The following RDX variants were observed in gnomAD, a reference collection of about 807,000 sequenced individuals.
RDX encodes deafness, autosomal recessive 24.
RDX carries 32 observed loss-of-function variants against 83.7 expected under a neutral mutation model. The ratio of observed to expected loss-of-function variants is 0.38; its 90% CI spans 0.29 to 0.51. The LOEUF (loss-of-function observed/expected upper bound fraction) is 0.51, where lower values mean the gene tolerates loss of function less well. Ranked by LOEUF, RDX falls within the 20% of genes least tolerant of loss-of-function variation. RDX has a pLI of 0.87. For synonymous variants in RDX, 229 were observed against 222.7 expected, an observed-to-expected ratio of 1.03 and a Z score of -0.25; for missense variants, 600 against 689.9, an observed-to-expected ratio of 0.87 and a Z score of 1.46.
At chr11:110,237,839 G>A (rs549005291) in intron 10 of RDX, 187 bp from the exon 11 acceptor site, 123 of 695,100 alleles carry the variant, frequency 1.8e-4, no homozygotes, top group Admixed American at 9.0e-4. Context: ...CTGAAGTGCA[G>A]AAGCTCACTG....
At chr11:110,222,869 C>A (rs1864299608) in intron 14 of RDX, among the ~76,000 whole-genome samples, 1 of 152,172 alleles carries the variant, frequency 6.6e-6, no homozygotes, top group African/African-American at 2.4e-5. Flanking sequence ...AAAACGACTA[C>A]TTTTAAAAGA....
intron 14 of RDX, among the ~76,000 whole-genome samples, chr11:110,204,774 C>CA (rs1283206645): frequency 6.6e-6 from 1 of 152,088 alleles, no homozygotes; most frequent in Non-Finnish European, 1.5e-5. Context: ...CTTGGCCTCC[C>CA]AAAGTGCTGG....
intron 7 of RDX, among the ~76,000 whole-genome samples, chr11:110,257,242 T>A (rs1298050107): frequency 6.6e-6 from 1 of 151,786 alleles, no homozygotes; most frequent in Non-Finnish European, 1.5e-5. Context: ...TTTCAAGATA[T>A]AATTACAGTG....
intron 15 of RDX, chr11:110,199,542 G>A: frequency 1.4e-6 from 1 of 702,054 alleles, no homozygotes; most frequent in Non-Finnish European, 2.6e-6. Context: ...CTAGTGGGCA[G>A]GTGAGCTGGC....
chr11:110,231,764 T>C lies in RDX; in HGVS notation c.*105A>G. The stretch of plus-strand genomic sequence containing the variant: ...TTTAGCTAGCACAGTCAAACTGGTG[T>C]AAGTGCTTTGGCAAGGTGGGATGCA... On this transcript the variant is annotated 3_prime_UTR_variant, in exon 14 of 14. Coordinates refer to ENST00000645495, the MANE Select transcript of RDX (RefSeq NM_002906.4). 8.0e-7 allele frequency: 1 copy of C among 1,252,894 alleles called. No individual in the cohort carries two copies. Among genetic ancestry groups the C allele is most frequent in the Admixed American group, 1.7e-5 (1 of 59,546 alleles). The allele number at this position is 1,252,894 out of a possible 1,614,324, so 77.6% of individuals were successfully genotyped here.
chr11:110,249,581 C>T (rs530576334), intron 9 of RDX, among the ~76,000 whole-genome samples: 1 of 152,250 alleles, frequency 6.6e-6, no homozygotes, highest in South Asian at 2.1e-4. Flanking sequence ...TTAATGAATC[C>T]TTCCACCATT....
intron 15 of RDX, among the ~76,000 whole-genome samples, chr11:110,188,422 A>G (rs907628620): frequency 1.3e-5 from 2 of 152,112 alleles, no homozygotes; most frequent in African/African-American, 2.4e-5. Context: ...AAAAGCGAAC[A>G]TCGTATGTTC....
At chr11:110,209,236 C>A (rs538033373) in intron 14 of RDX, among the ~76,000 whole-genome samples, 1 of 152,172 alleles carries the variant, frequency 6.6e-6, no homozygotes, top group African/African-American at 2.4e-5. Flanking sequence ...CGGACGGCAC[C>A]TGGAAAATCG....
chr11:110,255,785 CAT>C (rs1263628626), intron 7 of RDX, among the ~76,000 whole-genome samples: 1 of 152,106 alleles, frequency 6.6e-6, no homozygotes, highest in Non-Finnish European at 1.5e-5. Context: ...TATAACTTCT[CAT>C]GTGAATTACG....
intron 10 of RDX, among the ~76,000 whole-genome samples, chr11:110,246,133 C>T (rs1211753698): frequency 6.6e-6 from 1 of 152,080 alleles, no homozygotes; most frequent in African/African-American, 2.4e-5. Context: ...TGAATTTTAG[C>T]AATCCTCCTG....
intron 15 of RDX, chr11:110,196,305 C>T (rs1314329868): frequency 6.6e-6 from 1 of 152,138 alleles, no homozygotes; most frequent in Non-Finnish European, 1.5e-5. Context: ...AACATTTAGT[C>T]ATGGTTAGTT....
chr11:110,185,896 C>T (rs750862648), intron 15 of RDX, among the ~76,000 whole-genome samples: 2 of 152,194 alleles, frequency 1.3e-5, no homozygotes, highest in African/African-American at 2.4e-5. Context: ...TACAAACCTA[C>T]CAGTCAAGCA....
chr11:110,196,600 G>A (rs889310943), intron 15 of RDX, among the ~76,000 whole-genome samples: 1 of 152,210 alleles, frequency 6.6e-6, no homozygotes, highest in African/African-American at 2.4e-5. Context: ...GCCACAGGGC[G>A]TGTGTGCTTA....
rs577190144 is a variant in RDX, at chr11:110,263,028, A to T, written c.467+932T>A. Among the ~76,000 whole-genome samples, 4 of 152,304 alleles carry T rather than the reference A, an allele frequency of 2.6e-5. No individual in the cohort carries two copies. The East Asian group carries it at 7.7e-4, about 29-fold the overall frequency. On this transcript the variant is annotated intron_variant, in intron 5 of 13. Coordinates refer to ENST00000645495, the MANE Select transcript of RDX (RefSeq NM_002906.4). Reference sequence around the variant, plus strand: ...AGTGGCTCACGCCTGTAATCCCAGCACTTTGGGAGACCGAGGTGGGAGGAT... The same window carrying T: ...AGTGGCTCACGCCTGTAATCCCAGCTCTTTGGGAGACCGAGGTGGGAGGAT...
At chr11:110,222,010 GTATAT>G (rs61112840) in intron 14 of RDX, among the ~76,000 whole-genome samples, 59,512 of 151,544 alleles carry the variant, frequency 0.39, 11,794 homozygotes, top group East Asian at 0.6. Context: ...GAATGCAAAT[GTATAT>G]TATGTCTATA....
intron 14 of RDX, among the ~76,000 whole-genome samples, chr11:110,223,612 T>C (rs969208640): frequency 2.6e-5 from 4 of 152,136 alleles, no homozygotes; most frequent in African/African-American, 9.7e-5. Context: ...CTACCTGTAT[T>C]TGAAAACCTT....
intron 1 of RDX, among the ~76,000 whole-genome samples, chr11:110,290,843 G>A (rs533273628): frequency 6.6e-6 from 1 of 150,718 alleles, no homozygotes; most frequent in Non-Finnish European, 1.5e-5. Context: ...TATAAAAACA[G>A]GCAGTAGGCT....
chr11:110,258,292 T>C, intron 5 of RDX, 103 bp from the exon 6 acceptor site: 2 of 742,134 alleles, frequency 2.7e-6, no homozygotes, highest in Non-Finnish European at 4.5e-6. Context: ...GTGGTAGTTG[T>C]CAGACAATTA....
At chr11:110,212,296 ATC>A (rs1863866573) in intron 14 of RDX, among the ~76,000 whole-genome samples, 1 of 151,428 alleles carries the variant, frequency 6.6e-6, no homozygotes, top group South Asian at 2.1e-4. Context: ...AAGAAGTTGA[ATC>A]TCTGAATAGA....
Sources: gnomAD v4.1 joint callset for allele counts (sites outside exome capture counted in the v4.1 genomes callset) on GRCh38, gnomAD v4.1.1 for gene constraint, MANE v1.5 for transcripts, NCBI Gene and HGNC (gene_info 2026-07-23, HGNC 2026-07-21) for gene names.